Variants in DOCK3 observed in about 807,000 individuals in gnomAD.
DOCK3 encodes the protein dedicator of cytokinesis 3.
In DOCK3, 60 loss-of-function variants were observed where a neutral mutation model predicts 265.6. The observed-to-expected ratio is 0.23, with a 90% CI of 0.18 to 0.28. The LOEUF is 0.28. Ranked by LOEUF, DOCK3 falls within the 10% of genes least tolerant of loss-of-function variation. The probability of loss-of-function intolerance (pLI) is 1.00; values close to 1 mark genes in which losing one functional copy is unlikely to be tolerated. For synonymous variants in DOCK3, 881 were observed against 938.0 expected (o/e 0.94, Z 1.11); for missense variants, 1,981 against 2,594.3 (o/e 0.76, Z 5.14).
At chr3:50,687,889 T>A (rs2034943763) in intron 1 of DOCK3, among the ~76,000 whole-genome samples, 1 of 152,234 alleles carries the variant, frequency 6.6e-6, no homozygotes. Flanking sequence ...CATATCCTCA[T>A]GTGCATCCTC....
chr3:50,863,071 C>T (rs1204396840), intron 3 of DOCK3, among the ~76,000 whole-genome samples: 7 of 152,150 alleles, frequency 4.6e-5, no homozygotes, highest in Admixed American at 2.0e-4. Context: ...TTTGTGCCAA[C>T]GAGGGCTTTG....
intron 27 of DOCK3, among the ~76,000 whole-genome samples, chr3:51,284,565 A>G (rs1204992624): frequency 6.6e-6 from 1 of 152,194 alleles, no homozygotes; most frequent in East Asian, 1.9e-4. Flanking sequence ...GGGCAGGAAC[A>G]TGCAGCTCCG....
intron 5 of DOCK3, among the ~76,000 whole-genome samples, chr3:51,004,082 G>A (rs774979543): frequency 1.3e-5 from 2 of 152,062 alleles, no homozygotes; most frequent in Admixed American, 6.6e-5. Context: ...TGGGCTTGAT[G>A]TAATGACTTG....
chr3:50,927,871 C>G (rs562117697), intron 4 of DOCK3, among the ~76,000 whole-genome samples: 1 of 152,220 alleles, frequency 6.6e-6, no homozygotes, highest in East Asian at 1.9e-4. Context: ...AATAATCCCA[C>G]AATTGTCTGT....
At chr3:51,172,301 G>A (rs185454187) in intron 12 of DOCK3, among the ~76,000 whole-genome samples, 40 of 151,802 alleles carry the variant, frequency 2.6e-4, no homozygotes, top group Non-Finnish European at 5.0e-4. Flanking sequence ...TCAGCCTCCC[G>A]AGTTGCTGGG....
chr3:51,157,247 AC>A (rs1464834015), intron 10 of DOCK3, among the ~76,000 whole-genome samples: 1 of 152,006 alleles, frequency 6.6e-6, no homozygotes. Context: ...CTTCAGTTTC[AC>A]CACTACATAT....
chr3:50,700,886 G>A (rs996593343), intron 1 of DOCK3, among the ~76,000 whole-genome samples: 4 of 152,006 alleles, frequency 2.6e-5, no homozygotes, highest in African/African-American at 9.7e-5. Context: ...TTCCATAATG[G>A]CCATACTAAT....
At chr3:50,986,586 T>C (rs568313521) in intron 5 of DOCK3, among the ~76,000 whole-genome samples, 1 of 152,346 alleles carries the variant, frequency 6.6e-6, no homozygotes, top group Non-Finnish European at 1.5e-5. Context: ...AGCCCAATTA[T>C]AGTTTGCATT....
At chr3:51,248,142 T>A (rs922270382) in intron 22 of DOCK3, among the ~76,000 whole-genome samples, 2 of 152,190 alleles carry the variant, frequency 1.3e-5, no homozygotes, top group Non-Finnish European at 2.9e-5. Flanking sequence ...TTCATAGTAC[T>A]TTCATTCAAG....
intron 38 of DOCK3, among the ~76,000 whole-genome samples, chr3:51,345,869 A>C (rs1283141564): frequency 3.3e-5 from 5 of 152,190 alleles, no homozygotes; most frequent in African/African-American, 1.2e-4. Context: ...TTAATGATTT[A>C]TGCTGAAATA....
intron 5 of DOCK3, among the ~76,000 whole-genome samples, chr3:50,969,995 C>G (rs945755171): frequency 4.6e-5 from 7 of 152,038 alleles, no homozygotes; most frequent in Non-Finnish European, 1.0e-4. Flanking sequence ...TGGTGTAAAC[C>G]CGGGAGGCGG....
chr3:50,801,757 T>A (rs2675799), intron 2 of DOCK3, among the ~76,000 whole-genome samples: 26 of 152,102 alleles, frequency 1.7e-4, no homozygotes, highest in Admixed American at 1.5e-3. Flanking sequence ...CCATTGTTGG[T>A]TTTCTGTCAA....
chr3:51,152,305 G>T (rs1475240395), intron 10 of DOCK3, among the ~76,000 whole-genome samples: 1 of 151,966 alleles, frequency 6.6e-6, no homozygotes, highest in Non-Finnish European at 1.5e-5. Flanking sequence ...GCTTGTGCAT[G>T]TGTCATGTAG....
Position 51,271,829 on chromosome 3 carries a change from C to T in DOCK3, c.2548+822C>T, listed in dbSNP as rs911531432. Among the ~76,000 whole-genome samples, 20 of 137,932 alleles carry T rather than the reference C, an allele frequency of 1.4e-4. No individual in the cohort carries two copies. The Admixed American group carries it at 1.6e-3, about 11-fold the overall frequency. 90.5% of individuals were successfully genotyped at this position (137,932 alleles called of 152,430 possible). A position where few individuals can be genotyped will look rare whatever the true frequency, so the allele number is the denominator to read the frequency against. ...TCACGCCATTGTACTCAAGCCTGAG[C>T]AACAGAGCGAGACTGTCTCAGGAAA... On this transcript the variant is annotated intron_variant, in intron 24 of 52. Transcript: ENST00000266037.
intron 5 of DOCK3, among the ~76,000 whole-genome samples, chr3:50,987,145 C>T (rs908745750): frequency 2.0e-5 from 3 of 152,168 alleles, no homozygotes; most frequent in South Asian, 2.1e-4. Context: ...TGTTTCCTTA[C>T]GGTCTCTTTG....
In DOCK3 at chr3:50,948,021, AATTATTATT is replaced by A. The variant is rs374547418; in HGVS notation, c.315+13987_315+13995del. On this transcript the variant is annotated intron_variant, in intron 5 of 52. Coordinates refer to ENST00000266037, the MANE Select transcript of DOCK3 (RefSeq NM_004947.5). The stretch of plus-strand genomic sequence containing the variant: ...CAGGCACCTGCCACCACGCCCAGCT[AATTATTATT>A]ATTATTATTATTATTATTATTATTA... Among the ~76,000 whole-genome samples, 538 of 120,316 alleles carry A rather than the reference AATTATTATT, an allele frequency of 4.5e-3. 19 individuals carry two copies. The highest frequency in any genetic ancestry group is 0.041 in the South Asian group (144 of 3,534). The allele number at this position is 120,316 out of a possible 152,430, so 78.9% of individuals were successfully genotyped here.
At chr3:51,049,279 T>C (rs1277046744) in intron 5 of DOCK3, among the ~76,000 whole-genome samples, 9 of 151,852 alleles carry the variant, frequency 5.9e-5, no homozygotes, top group Admixed American at 3.3e-4. Context: ...TGAGCTGAGA[T>C]TGTACCACTG....
chr3:50,896,851 A>G lies in DOCK3; in HGVS notation c.218+6770A>G, dbSNP rs148556205. On this transcript the variant is annotated intron_variant, in intron 4 of 52. Transcript: ENST00000266037. The stretch of plus-strand genomic sequence containing the variant: ...TCTGTTCTGTTCCATTGGTCTGTAT[A>G]TCTGTTTTGTACTAGTACCTTGTGT... Among the ~76,000 whole-genome samples the G allele has an allele frequency of 5.9e-5, 9 of 152,140 alleles. No homozygotes were observed. In the East Asian group the frequency reaches 1.2e-3, roughly 20 times the overall value.
chr3:50,964,763 G>A (rs13085827), intron 5 of DOCK3, among the ~76,000 whole-genome samples: 14,446 of 152,006 alleles, frequency 0.095, 856 homozygotes, highest in Non-Finnish European at 0.12. Context: ...ACAGGTGAAA[G>A]ATGTTTAATG....
Sources: allele counts gnomAD v4.1 joint callset (sites outside exome capture counted in the v4.1 genomes callset), GRCh38; gene constraint gnomAD v4.1.1; transcripts MANE v1.5; gene names NCBI Gene and HGNC (gene_info 2026-07-23, HGNC 2026-07-21).